Variants in TRPV3 observed in about 807,000 individuals in gnomAD.
TRPV3 encodes the protein transient receptor potential cation channel subfamily V member 3, also known as VRL-3.
Under a neutral mutation model 87.1 loss-of-function variants are expected in TRPV3, and 88 were observed. That is an observed-to-expected ratio of 1.01 (90% CI 0.85 to 1.21). The LOEUF is 1.21. TRPV3 is among the 50% of genes most tolerant of loss of function. The probability of loss-of-function intolerance (pLI) is 0.00; values close to 1 mark genes in which losing one functional copy is unlikely to be tolerated. For missense variants in TRPV3, 1,054 were observed against 1,030.1 expected (o/e 1.02, Z -0.32); for synonymous variants, 438 against 423.3 (o/e 1.03, Z -0.43).
intron 16 of TRPV3, among the ~76,000 whole-genome samples, 187 bp from the exon 17 acceptor site, chr17:3,514,859 C>T (rs772521470): frequency 5.3e-5 from 8 of 152,146 alleles, no homozygotes; most frequent in African/African-American, 1.2e-4. Flanking sequence ...CCCATCTCCA[C>T]GTCCCCAGGC....
intron 2 of TRPV3, among the ~76,000 whole-genome samples, chr17:3,549,731 AGGAT>A (rs1467178655): frequency 1.6e-5 from 2 of 126,988 alleles, no homozygotes; most frequent in Admixed American, 8.7e-5. Flanking sequence ...GGATGGATGG[AGGAT>A]GGATGGATGG....
Position 3,556,295 on chromosome 17 carries a change from C to T in TRPV3, c.-3+1381G>A, listed in dbSNP as rs372432851. Among the ~76,000 whole-genome samples, 8 of 143,802 alleles carry T rather than the reference C, an allele frequency of 5.6e-5. No homozygotes were observed. Among genetic ancestry groups the T allele is most frequent in the East Asian group, 4.1e-4 (2 of 4,880 alleles). 94.3% of individuals were successfully genotyped at this position (143,802 alleles called of 152,430 possible). A position where few individuals can be genotyped will look rare whatever the true frequency, so the allele number is the denominator to read the frequency against. On this transcript the variant is annotated intron_variant, in intron 1 of 17. Coordinates refer to ENST00000576742, the MANE Select transcript of TRPV3 (RefSeq NM_145068.4). This position sits in a 1 kb window ranked among gnomAD's most constrained non-coding sequence, Gnocchi z 4.2. ...AGGCTCTGGGTTACATAGGAGAGCG[C>T]GGGCTGCGTTGGGGGGTGGGGGAGA...
In TRPV3 at chr17:3,518,794, C is replaced by T. The variant is rs1162715656; in HGVS notation, c.1867G>A (p.Gly623Ser). 3.1e-6 allele frequency: 5 copies of T among 1,614,120 alleles called. No individual in the cohort carries two copies. Among genetic ancestry groups the T allele is most frequent in the Non-Finnish European group, 4.2e-6 (5 of 1,180,006 alleles). ...TCCAGCACTGCGTCGCTGAAGCTGC[C>T]GTAGGAGCTGCAGTCCTTGTTGTCT... The part of the protein sequence containing the change: ...PKDNKDCSSY[G>S]SFSDAVLELF... The change falls in exon 15 of 18, where the codon GGC becomes AGC. Residue 623 changes from glycine to serine, a missense_variant. Transcript: ENST00000576742. This position sits in a 1 kb window ranked among gnomAD's most constrained non-coding sequence, Gnocchi z 4.3.
chr17:3,550,455 G>A (rs1483824467), intron 2 of TRPV3, among the ~76,000 whole-genome samples: 1 of 151,152 alleles, frequency 6.6e-6, no homozygotes, highest in East Asian at 1.9e-4. Context: ...GCCAAGGGCT[G>A]TGCTGGGCTA....
At chr17:3,519,646 T>A (rs1186658197) in intron 14 of TRPV3, among the ~76,000 whole-genome samples, 14 of 87,470 alleles carry the variant, frequency 1.6e-4, no homozygotes, top group East Asian at 4.1e-4. Flanking sequence ...AGATGGATGA[T>A]TAGATGGATG....
chr17:3,535,671 TC>T lies in TRPV3; in HGVS notation c.685del (p.Asp229ThrfsTer53). On this transcript the variant is annotated frameshift_variant, in exon 7 of 18. Transcript: ENST00000576742. LOFTEE classifies it high-confidence loss of function. ...LNIAIERRQG[D>X]IAALLIAAGA... ...GGCGGCGATGAGCAGGGCTGCGATG[TC>T]CCCCTGCCGCCGCTCGATGGCGATG... 1.3e-6 allele frequency: 2 copies of T among 1,593,564 alleles called. No individual in the cohort carries two copies. Among genetic ancestry groups the T allele is most frequent in the Non-Finnish European group, 1.7e-6 (2 of 1,172,270 alleles).
At chr17:3,533,111 C>A (rs572254356) in intron 7 of TRPV3, among the ~76,000 whole-genome samples, 174 bp from the exon 8 acceptor site, 1 of 152,296 alleles carries the variant, frequency 6.6e-6, no homozygotes, top group Admixed American at 6.5e-5. Flanking sequence ...ACTGCGGTAG[C>A]CTCCTAACTG....
chr17:3,542,706 C>A lies in TRPV3; in HGVS notation c.467-8G>T, dbSNP rs1476362811. On this transcript the variant is annotated splice_polypyrimidine_tract_variant and splice_region_variant and intron_variant, in intron 5 of 17. Transcript: ENST00000576742. ...GCTTGTGCATGAGGAAGTCTGCAGG[C>A]AGGGCCATGGGTGGAGTTACAGGAG... 2 of 1,612,466 alleles carry A rather than the reference C, an allele frequency of 1.2e-6. No homozygotes were observed. The highest frequency in any genetic ancestry group is 2.2e-5 in the East Asian group (1 of 44,852).
chr17:3,534,644 T>C (rs891979812), intron 7 of TRPV3, among the ~76,000 whole-genome samples: 1 of 56,324 alleles, frequency 1.8e-5, no homozygotes, highest in African/African-American at 5.2e-5. Flanking sequence ...TGCATTTCAA[T>C]TTTTTTTTTT....
intron 5 of TRPV3, among the ~76,000 whole-genome samples, chr17:3,543,208 C>T (rs895128298): frequency 6.6e-6 from 1 of 152,184 alleles, no homozygotes; most frequent in African/African-American, 2.4e-5. Flanking sequence ...CCTTCTCAAG[C>T]CCTGCTTCAG....
At chr17:3,523,939 T>C (rs1057426220) in intron 13 of TRPV3, among the ~76,000 whole-genome samples, 8 of 151,128 alleles carry the variant, frequency 5.3e-5, no homozygotes, top group Admixed American at 3.9e-4. Context: ...AGTCGTTAAA[T>C]GTTTACCAGC....
intron 15 of TRPV3, 146 bp from the exon 16 acceptor site, chr17:3,516,715 G>A (rs1045551507): frequency 3.0e-6 from 2 of 658,186 alleles, no homozygotes; most frequent in Admixed American, 2.4e-5. Context: ...AGAATTCAAA[G>A]ACAAAAAAGC....
In TRPV3 at chr17:3,556,296, G is replaced by T. The variant is rs141934071; in HGVS notation, c.-3+1380C>A. On this transcript the variant is annotated intron_variant, in intron 1 of 17. Transcript: ENST00000576742. The surrounding 1 kb of genome is among the most constrained non-coding windows in gnomAD (Gnocchi z 4.2). ...GGCTCTGGGTTACATAGGAGAGCGC[G>T]GGCTGCGTTGGGGGGTGGGGGAGAC... Among the ~76,000 whole-genome samples, 7 of 152,158 alleles carry T rather than the reference G, an allele frequency of 4.6e-5. No homozygotes were observed. The highest frequency in any genetic ancestry group is 6.5e-5 in the Admixed American group (1 of 15,280).
intron 7 of TRPV3, 42 bp from the exon 8 acceptor site, chr17:3,532,979 G>A (rs200169662): frequency 1.2e-5 from 20 of 1,601,764 alleles, no homozygotes; most frequent in Middle Eastern, 1.7e-4. Context: ...CTCATGGGCC[G>A]GAAGCAGCGT....
In TRPV3 at chr17:3,537,079, T is replaced by A. The variant is rs79126773; in HGVS notation, c.644-1366A>T. ...AAACCATAAAGAAAAGGCTGACATA[T>A]TTGCTTACATAAAGGTTTTTGGTTT... On this transcript the variant is annotated intron_variant, in intron 6 of 17. Coordinates refer to ENST00000576742, the MANE Select transcript of TRPV3 (RefSeq NM_145068.4). Among the ~76,000 whole-genome samples, 586 of 152,316 alleles carry A rather than the reference T, an allele frequency of 3.8e-3. 23 individuals are homozygous for A. The East Asian group carries it at 0.087, about 22-fold the overall frequency.
Position 3,535,185 on chromosome 17 carries a change from T to TTCCTCCCTCTCCC in TRPV3, c.784+375_784+387dup, listed in dbSNP as rs1166879697. On this transcript the variant is annotated intron_variant, in intron 7 of 17. Transcript: ENST00000576742. ...TCCCTCCGCCCTCCTTCCTCCTCCC[T>TTCCTCCCTCTCCC]TCCTCCCTCTCCCTCCTCCTTCTCC... Among the ~76,000 whole-genome samples, 6 of 88,014 alleles carry TTCCTCCCTCTCCC rather than the reference T, an allele frequency of 6.8e-5. 1 individual carries two copies. The highest frequency in any genetic ancestry group is 2.5e-4 in the Admixed American group (2 of 7,982). 57.7% of individuals were successfully genotyped at this position (88,014 alleles called of 152,430 possible).
intron 13 of TRPV3, among the ~76,000 whole-genome samples, chr17:3,521,800 G>T (rs2074248200): frequency 6.6e-6 from 1 of 152,140 alleles, no homozygotes; most frequent in Admixed American, 6.5e-5. Context: ...ACAGGCCAGG[G>T]TGCAGTGACT....
chr17:3,517,943 C>G (rs949101827), intron 15 of TRPV3, among the ~76,000 whole-genome samples: 3 of 151,790 alleles, frequency 2.0e-5, no homozygotes, highest in Non-Finnish European at 2.9e-5. Flanking sequence ...CTCAGCCTCC[C>G]AAGTAGCTGG....
intron 9 of TRPV3, among the ~76,000 whole-genome samples, chr17:3,529,199 C>T (rs1054437405): frequency 2.6e-5 from 4 of 152,042 alleles, no homozygotes; most frequent in Admixed American, 6.6e-5. Flanking sequence ...AGTCAGAGGC[C>T]GCAGGAGCCC....
Sources: allele counts gnomAD v4.1 joint callset (sites outside exome capture counted in the v4.1 genomes callset), GRCh38; gene constraint gnomAD v4.1.1; non-coding constraint Gnocchi (gnomAD v3.1); transcripts MANE v1.5; gene names NCBI Gene and HGNC (gene_info 2026-07-23, HGNC 2026-07-21).